Variants in CAB39 observed in about 807,000 individuals in gnomAD.
CAB39 encodes calcium binding protein 39.
Under a neutral mutation model 40.0 loss-of-function variants are expected in CAB39, and 8 were observed. The ratio of observed to expected loss-of-function variants is 0.20; its 90% CI spans 0.12 to 0.36. CAB39 has a LOEUF of 0.36. Ranked by LOEUF, CAB39 falls within the 10% of genes least tolerant of loss-of-function variation. The pLI, the probability that CAB39 is intolerant of heterozygous loss-of-function variation, is 1.00. For synonymous variants in CAB39, 156 were observed against 141.6 expected (o/e 1.10, Z -0.72); for missense variants, 270 against 401.1 (o/e 0.67, Z 2.79).
At chr2:230,797,144 G>A (rs533540398) in intron 4 of CAB39, among the ~76,000 whole-genome samples, 36 of 152,228 alleles carry the variant, frequency 2.4e-4, no homozygotes, top group African/African-American at 8.2e-4. Context: ...AATTGTCCAG[G>A]TATGAATTAA....
chr2:230,725,308 C>G, intron 1 of CAB39: 2 of 1,573,748 alleles, frequency 1.3e-6, no homozygotes, highest in Non-Finnish European at 1.7e-6. Flanking sequence ...CCTCCAGCTT[C>G]TTGCCCAGGA....
In CAB39 at chr2:230,819,549, T is replaced by A. The variant is rs1696469601; in HGVS notation, c.*845T>A. On this transcript the variant is annotated 3_prime_UTR_variant, in exon 9 of 9. Coordinates refer to ENST00000258418, the MANE Select transcript of CAB39 (RefSeq NM_016289.4). Reference sequence around the variant, plus strand: ...GCAGAGGAATGTTATTGTAGTAGTATGTAACTATTACCTAATACTGAGTTT... The same window carrying A: ...GCAGAGGAATGTTATTGTAGTAGTAAGTAACTATTACCTAATACTGAGTTT... 6.5e-6 allele frequency: 1 copy of A among 152,676 alleles called. No individual in the cohort carries two copies. The highest frequency in any genetic ancestry group is 1.5e-5 in the Non-Finnish European group (1 of 68,058). The allele number at this position is 152,676 out of a possible 1,614,324, so 9.5% of individuals were successfully genotyped here.
At chr2:230,782,998 G>GTTTTTC (rs1553674538) in intron 2 of CAB39, among the ~76,000 whole-genome samples, 3 of 151,388 alleles carry the variant, frequency 2.0e-5, no homozygotes, top group African/African-American at 7.3e-5. Context: ...TTTTGTTTTT[G>GTTTTTC]TTTTTGTTTT....
At chr2:230,727,422 T>TC (rs1694606391) in intron 1 of CAB39, among the ~76,000 whole-genome samples, 2 of 147,086 alleles carry the variant, frequency 1.4e-5, no homozygotes, top group African/African-American at 5.0e-5. Flanking sequence ...TTTTCTTTTT[T>TC]TTTTTTTTTT....
intron 7 of CAB39, among the ~76,000 whole-genome samples, chr2:230,816,257 A>G (rs906390832): frequency 2.0e-5 from 3 of 152,258 alleles, no homozygotes; most frequent in African/African-American, 4.8e-5. Flanking sequence ...TTTGTGACAG[A>G]GTGAGACTAT....
chr2:230,724,740 C>T (rs1352037792), intron 1 of CAB39, among the ~76,000 whole-genome samples: 1 of 145,706 alleles, frequency 6.9e-6, no homozygotes. Flanking sequence ...GAGTAGTTTA[C>T]CTCGTTTAAT....
At chr2:230,808,770 A>G (rs1043907601) in intron 5 of CAB39, among the ~76,000 whole-genome samples, 9 of 152,150 alleles carry the variant, frequency 5.9e-5, no homozygotes, top group Admixed American at 5.9e-4. Flanking sequence ...ACAACTGTAA[A>G]TCTTTGGGGT....
At chr2:230,777,911 G>A (rs1695622339) in intron 2 of CAB39, among the ~76,000 whole-genome samples, 1 of 152,110 alleles carries the variant, frequency 6.6e-6, no homozygotes, top group Non-Finnish European at 1.5e-5. Context: ...TGAGTCAGAG[G>A]CCTTGCACCT....
At chr2:230,773,310 ATATATGTGTG>A (rs1036797432) in intron 2 of CAB39, among the ~76,000 whole-genome samples, 5 of 84,446 alleles carry the variant, frequency 5.9e-5, no homozygotes, top group African/African-American at 2.9e-4. Flanking sequence ...ATATATATAT[ATATATGTGTG>A]TGTGTGTGTG....
chr2:230,805,594 C>G (rs1362176996), intron 5 of CAB39, among the ~76,000 whole-genome samples: 1 of 152,110 alleles, frequency 6.6e-6, no homozygotes, highest in Non-Finnish European at 1.5e-5. Flanking sequence ...TTCATCTGTT[C>G]AGATTCAGGT....
At position 230,713,138 on chromosome 2, in the gene CAB39, G is replaced by T. The variant is rs927541442; in HGVS notation, c.-136G>T. 4 of 152,160 alleles carry T rather than the reference G, an allele frequency of 2.6e-5. No homozygotes were observed. The East Asian group carries it at 5.8e-4, about 22-fold the overall frequency. 9.4% of individuals were successfully genotyped at this position (152,160 alleles called of 1,614,324 possible). A position where few individuals can be genotyped will look rare whatever the true frequency, so the allele number is the denominator to read the frequency against. On this transcript the variant is annotated 5_prime_UTR_variant, in exon 1 of 9. Coordinates refer to ENST00000258418, the MANE Select transcript of CAB39 (RefSeq NM_016289.4). ...AGGGGCCGAGCGTCCGAGCCACTCC[G>T]CGGGGACCGAACGAGCAGCCCGAAG...
chr2:230,790,836 T>C, intron 2 of CAB39, 36 bp from the exon 3 acceptor site: 2 of 1,559,148 alleles, frequency 1.3e-6, no homozygotes, highest in Non-Finnish European at 1.7e-6. Context: ...ATGAATTGTT[T>C]TTTCTCCTCT....
chr2:230,739,620 A>C (rs1452595000), intron 1 of CAB39, among the ~76,000 whole-genome samples: 1 of 152,174 alleles, frequency 6.6e-6, no homozygotes, highest in African/African-American at 2.4e-5. Flanking sequence ...TCAGCCTCCC[A>C]AGTGGCTAGG....
At chr2:230,735,279 G>C (rs1176397701) in intron 1 of CAB39, among the ~76,000 whole-genome samples, 1 of 149,876 alleles carries the variant, frequency 6.7e-6, no homozygotes, top group Non-Finnish European at 1.5e-5. Context: ...CAATTCTCCT[G>C]CCTCAGCCTC....
intron 3 of CAB39, 26 bp from the exon 4 acceptor site, chr2:230,793,187 T>A (rs1575950991): frequency 3.1e-6 from 4 of 1,299,512 alleles, no homozygotes; most frequent in Non-Finnish European, 4.4e-6. Flanking sequence ...GTCAGGAAAA[T>A]GTGTTAATGA....
chr2:230,807,296 T>C (rs1696213560), intron 5 of CAB39, among the ~76,000 whole-genome samples: 1 of 152,056 alleles, frequency 6.6e-6, no homozygotes, highest in Non-Finnish European at 1.5e-5. Flanking sequence ...TTCTCATCTC[T>C]CAGTAGATAG....
intron 1 of CAB39, among the ~76,000 whole-genome samples, chr2:230,742,155 TTTTGTTTG>T (rs147143513): frequency 0.01 from 1,556 of 151,094 alleles, 12 homozygotes; most frequent in Admixed American, 0.015. Flanking sequence ...TTTTGTTTTG[TTTTGTTTG>T]TTTGTTTGTT....
chr2:230,796,239 T>A (rs565297522), intron 4 of CAB39, among the ~76,000 whole-genome samples: 1 of 152,358 alleles, frequency 6.6e-6, no homozygotes, highest in South Asian at 2.1e-4. Flanking sequence ...TGTGATTATC[T>A]TCTTAGGCTG....
chr2:230,753,032 G>GGGT (rs1228265893), intron 1 of CAB39, among the ~76,000 whole-genome samples: 2 of 152,190 alleles, frequency 1.3e-5, no homozygotes, highest in African/African-American at 2.4e-5. Flanking sequence ...AGGGAATATA[G>GGGT]GGTGAGGTGA....
Sources: gnomAD v4.1 joint callset for allele counts (sites outside exome capture counted in the v4.1 genomes callset) on GRCh38, gnomAD v4.1.1 for gene constraint, MANE v1.5 for transcripts, NCBI Gene and HGNC (gene_info 2026-07-23, HGNC 2026-07-21) for gene names.